MCM5: variants seen among roughly 807,000 people sequenced by gnomAD.
MCM5 encodes the protein DNA replication licensing factor MCM5.
In MCM5, 46 loss-of-function variants were observed where a neutral mutation model predicts 79.9. The observed-to-expected ratio is 0.58, with a 90% CI of 0.45 to 0.74. MCM5 has a LOEUF of 0.74. Ranked by LOEUF, MCM5 falls within the 30% of genes least tolerant of loss-of-function variation. MCM5 has a pLI of 0.00. For missense variants in MCM5, 883 were observed against 1,017.0 expected (o/e 0.87, Z 1.79); for synonymous variants, 404 against 390.5 (o/e 1.03, Z -0.41).
chr22:35,448,766 A>T, the MCM5 span, among the ~76,000 whole-genome samples: 2 of 152,050 alleles, frequency 1.3e-5, no homozygotes, highest in Non-Finnish European at 2.9e-5. Context: ...CATTATTCTC[A>T]CTCTGAAGGC....
chr22:35,435,248 G>A, the MCM5 span, among the ~76,000 whole-genome samples: 16 of 152,282 alleles, frequency 1.1e-4, no homozygotes, highest in East Asian at 2.5e-3. Flanking sequence ...GCTGGACCTG[G>A]AGGCAGACAG....
At chr22:35,447,365 C>A in the MCM5 span, among the ~76,000 whole-genome samples, 2 of 152,134 alleles carry the variant, frequency 1.3e-5, no homozygotes, top group Non-Finnish European at 2.9e-5. Flanking sequence ...CATGGCTTAG[C>A]GATGCCCGAG....
chr22:35,447,051 A>G, the MCM5 span, among the ~76,000 whole-genome samples: 1 of 152,128 alleles, frequency 6.6e-6, no homozygotes, highest in African/African-American at 2.4e-5. Flanking sequence ...CAGCTCAGGG[A>G]CGGCAGCTAG....
the MCM5 span, among the ~76,000 whole-genome samples, chr22:35,437,942 A>C: frequency 3.3e-5 from 5 of 152,094 alleles, no homozygotes; most frequent in African/African-American, 1.2e-4. Context: ...AAGGGGAGTG[A>C]CTAGTCCCAG....
the MCM5 span, among the ~76,000 whole-genome samples, chr22:35,439,141 A>ATATTCATCCATCCACTCC: frequency 6.7e-6 from 1 of 149,386 alleles, no homozygotes; most frequent in Non-Finnish European, 1.5e-5. Context: ...CCATCCACTC[A>ATATTCATCCATCCACTCC]CATATTCATC....
chr22:35,450,930 CAAAG>C, the MCM5 span, among the ~76,000 whole-genome samples: 45 of 152,294 alleles, frequency 3.0e-4, no homozygotes, highest in Non-Finnish European at 4.4e-4. Context: ...CCTCAGGAAA[CAAAG>C]AGAGTCCAGC....
chr22:35,448,444 C>A, the MCM5 span, among the ~76,000 whole-genome samples: 4 of 152,136 alleles, frequency 2.6e-5, no homozygotes, highest in African/African-American at 9.7e-5. Flanking sequence ...TCTTCCCAAC[C>A]ACATGCCAGA....
the MCM5 span, among the ~76,000 whole-genome samples, chr22:35,435,632 G>A: frequency 2.6e-5 from 4 of 152,148 alleles, no homozygotes; most frequent in African/African-American, 9.7e-5. Flanking sequence ...TGGGCTTGTC[G>A]CCTGAAGCCT....
intron 16 of MCM5, 147 bp from the exon 17 acceptor site, chr22:35,424,007 C>CACAG: frequency 1.7e-6 from 1 of 591,214 alleles, no homozygotes; most frequent in Non-Finnish European, 3.1e-6. Flanking sequence ...GCCTCAGTGT[C>CACAG]TGGTACACAG....
the MCM5 span, among the ~76,000 whole-genome samples, chr22:35,453,606 T>C: frequency 2.5e-4 from 35 of 142,848 alleles, no homozygotes; most frequent in African/African-American, 9.0e-4. Flanking sequence ...GAGACATAAA[T>C]AGAGACAGAG....
At chr22:35,403,888 G>A (rs949919859) in intron 4 of MCM5, among the ~76,000 whole-genome samples, 1 of 151,876 alleles carries the variant, frequency 6.6e-6, no homozygotes, top group African/African-American at 2.4e-5. Context: ...GGCCGAGGGA[G>A]GAAGATTGCT....
chr22:35,428,008 GCT>G (rs570616906), downstream of MCM5, among the ~76,000 whole-genome samples: 3 of 140,000 alleles, frequency 2.1e-5, no homozygotes, highest in South Asian at 4.6e-4. Context: ...GACCCCCATC[GCT>G]CTCTCTCTCT....
At position 35,408,436 on chromosome 22, in the gene MCM5, T is replaced by A; in HGVS notation, c.625T>A (p.Leu209Met). The A allele has an allele frequency of 6.2e-7, 1 of 1,614,136 alleles. No individual in the cohort carries two copies. Among genetic ancestry groups the A allele is most frequent in the Non-Finnish European group, 8.5e-7 (1 of 1,179,986 alleles). ...TCAGGCTGGGCGCCCCAAATGCCCA[T>A]TGGACCCGTACTTCATCATGCCCGA... ...TDQAGRPKCP[L>M]DPYFIMPDKC... Residue 209 changes from leucine to methionine, a missense_variant, in exon 6 of 17, where the codon TTG (leucine) becomes ATG (methionine). Physicochemically the swap from Leu to Met is conservative, Grantham distance 15. Around this residue, in one of 3 missense-constraint regions of MCM5, gnomAD observed 455 missense variants for 517.5 expected, o/e 0.88. Coordinates refer to ENST00000216122, the MANE Select transcript of MCM5 (RefSeq NM_006739.4).
At chr22:35,419,233 C>T (rs529211501) in intron 13 of MCM5, among the ~76,000 whole-genome samples, 7 of 152,294 alleles carry the variant, frequency 4.6e-5, no homozygotes, top group African/African-American at 1.7e-4. Flanking sequence ...GGGGAGTTCC[C>T]TCCCTCCCTC....
intron 2 of MCM5, among the ~76,000 whole-genome samples, chr22:35,402,702 C>A (rs1932095213): frequency 6.6e-6 from 1 of 152,118 alleles, no homozygotes; most frequent in African/African-American, 2.4e-5. Flanking sequence ...TGCTACCATG[C>A]CCGGCTAATC....
chr22:35,403,004 G>A (rs1243927425), intron 2 of MCM5, among the ~76,000 whole-genome samples: 2 of 152,168 alleles, frequency 1.3e-5, no homozygotes, highest in Non-Finnish European at 2.9e-5. Context: ...TTTCTTTAGG[G>A]CATGCCTGTG....
At chr22:35,424,092 C>A in intron 16 of MCM5, 62 bp from the exon 17 acceptor site, 1 of 1,124,740 alleles carries the variant, frequency 8.9e-7, no homozygotes, top group South Asian at 1.4e-5. Flanking sequence ...CTGGGGATGT[C>A]TGGGCTCTGT....
chr22:35,433,123 A>G, the MCM5 span, among the ~76,000 whole-genome samples: 3 of 152,098 alleles, frequency 2.0e-5, no homozygotes, highest in Admixed American at 2.0e-4. Context: ...TCTTGTAGAG[A>G]CAGGGTCTTG....
intron 13 of MCM5, among the ~76,000 whole-genome samples, chr22:35,419,236 C>T (rs1445383958): frequency 6.6e-6 from 1 of 152,156 alleles, no homozygotes; most frequent in Non-Finnish European, 1.5e-5. Context: ...GAGTTCCCTC[C>T]CTCCCTCTGG....
Sources: allele counts gnomAD v4.1 joint callset (sites outside exome capture counted in the v4.1 genomes callset), GRCh38; gene constraint gnomAD v4.1.1; regional missense constraint gnomAD v4.1.1; transcripts MANE v1.5; gene names NCBI Gene and HGNC (gene_info 2026-07-23, HGNC 2026-07-21).